The following GLRX2 variants were observed in gnomAD, a reference collection of about 807,000 sequenced individuals.
GLRX2 encodes bA101E13.1 (GRX2 glutaredoxin (thioltransferase) 2).
GLRX2 carries 12 observed loss-of-function variants against 16.4 expected under a neutral mutation model. That is an observed-to-expected ratio of 0.73 (90% CI 0.47 to 1.19). GLRX2 has a LOEUF of 1.19. GLRX2 is among the 50% of genes most tolerant of loss of function. The pLI is 0.00. For missense variants in GLRX2, 201 were observed against 201.8 expected (o/e 1.00, Z 0.02); for synonymous variants, 95 against 76.2 (o/e 1.25, Z -1.28).
rs548092191 is a variant in GLRX2, at chr1:193,096,830, G to A, written c.361-71C>T. 17 of 1,178,058 alleles carry A rather than the reference G, an allele frequency of 1.4e-5. No individual in the cohort carries two copies. The East Asian group carries it at 1.7e-4, about 12-fold the overall frequency. 73.0% of individuals were successfully genotyped at this position (1,178,058 alleles called of 1,614,324 possible). On this transcript the variant is annotated intron_variant, in intron 3 of 3. Coordinates refer to ENST00000367439, the MANE Select transcript of GLRX2 (RefSeq NM_197962.3). ...AACTAAGATCATTTCACATAATAAC[G>A]AGACATTTGAACTCTGGGTACTTTT...
chr1:193,101,882 G>A (rs1443915722), intron 1 of GLRX2, among the ~76,000 whole-genome samples: 3 of 151,852 alleles, frequency 2.0e-5, no homozygotes, highest in Admixed American at 6.6e-5. Flanking sequence ...GTAAAAGGAA[G>A]CATTCATTGT....
At chr1:193,100,011 T>C (rs1387189562) in intron 2 of GLRX2, among the ~76,000 whole-genome samples, 2 of 152,110 alleles carry the variant, frequency 1.3e-5, no homozygotes, top group African/African-American at 4.8e-5. Context: ...AACACCATCG[T>C]GTAGGGAGAG....
Position 193,105,401 on chromosome 1 carries a change from CA to C in GLRX2, c.-20del. 6.6e-7 allele frequency: 1 copy of C among 1,522,606 alleles called. No homozygotes were observed. Among genetic ancestry groups the C allele is most frequent in the South Asian group, 1.2e-5 (1 of 81,818 alleles). The allele number at this position is 1,522,606 out of a possible 1,614,324, so 94.3% of individuals were successfully genotyped here. ...AAATCATGGTCAGAGCCCGGATCTG[CA>C]GCGAGCTCTACTGCCGGACACCGCG... On this transcript the variant is annotated 5_prime_UTR_variant, in exon 1 of 4. Coordinates refer to ENST00000367439, the MANE Select transcript of GLRX2 (RefSeq NM_197962.3).
chr1:193,098,800 C>T (rs1675013177), intron 2 of GLRX2, among the ~76,000 whole-genome samples: 1 of 152,134 alleles, frequency 6.6e-6, no homozygotes, highest in Non-Finnish European at 1.5e-5. Flanking sequence ...ATCCACCCGC[C>T]TCAGCCTCCC....
intron 2 of GLRX2, 49 bp downstream of exon 2, chr1:193,101,092 T>C (rs773170329): frequency 8.5e-7 from 1 of 1,174,042 alleles, no homozygotes; most frequent in South Asian, 1.2e-5. Flanking sequence ...TAAGGGACAA[T>C]TCTTTTTCTA....
At position 193,096,609 on chromosome 1, in the gene GLRX2, C is replaced by T. The variant is rs773341502; in HGVS notation, c.*16G>A. On this transcript the variant is annotated 3_prime_UTR_variant, in exon 4 of 4. Coordinates refer to ENST00000367439, the MANE Select transcript of GLRX2 (RefSeq NM_197962.3). ...AAATAACTGACACTGTACTAGCAAA[C>T]TTATTAGTATAAACATCACTGAAAT... The T allele has an allele frequency of 3.4e-6, 5 of 1,489,430 alleles. No homozygotes were observed. Among genetic ancestry groups the T allele is most frequent in the Admixed American group, 3.6e-5 (2 of 55,842 alleles). 92.3% of individuals were successfully genotyped at this position (1,489,430 alleles called of 1,614,324 possible).
At chr1:193,100,200 C>T (rs1675045681) in intron 2 of GLRX2, among the ~76,000 whole-genome samples, 1 of 152,182 alleles carries the variant, frequency 6.6e-6, no homozygotes, top group South Asian at 2.1e-4. Flanking sequence ...TCAGGCCAGG[C>T]ACGGTGGCTC....
At chr1:193,100,927 A>G (rs1675061811) in intron 2 of GLRX2, among the ~76,000 whole-genome samples, 1 of 152,246 alleles carries the variant, frequency 6.6e-6, no homozygotes. Context: ...AGACTTCATT[A>G]AGAATAAATC....
intron 2 of GLRX2, among the ~76,000 whole-genome samples, chr1:193,100,098 C>T (rs750988931): frequency 6.6e-6 from 1 of 152,108 alleles, no homozygotes; most frequent in Non-Finnish European, 1.5e-5. Context: ...AAGATGACAG[C>T]GTTAGGGTTT....
chr1:193,106,108 T>C (rs1056894356), upstream of GLRX2: 3 of 861,000 alleles, frequency 3.5e-6, no homozygotes, highest in African/African-American at 5.5e-5. Context: ...GTGGTAATAA[T>C]AGCCTTTGTG....
intron 1 of GLRX2, among the ~76,000 whole-genome samples, chr1:193,102,052 C>G (rs1675088007): frequency 6.6e-6 from 1 of 152,010 alleles, no homozygotes; most frequent in Non-Finnish European, 1.5e-5. Flanking sequence ...AAACTAACTG[C>G]AGAGTAAAAT....
intron 1 of GLRX2, 69 bp from the exon 2 acceptor site, chr1:193,101,273 GA>G (rs942639056): frequency 3.5e-5 from 36 of 1,039,220 alleles, no homozygotes; most frequent in African/African-American, 2.3e-4. Context: ...AGTTTTATTT[GA>G]AAAAAATCAA....
chr1:193,105,939 T>C, upstream of GLRX2: 1 of 1,037,600 alleles, frequency 9.6e-7, no homozygotes, highest in South Asian at 4.5e-5. Flanking sequence ...AAAAATCCGG[T>C]GTTGAAGGTT....
Position 193,103,826 on chromosome 1 carries a change from C to T in GLRX2, c.119+1438G>A, listed in dbSNP as rs35982829. Among the ~76,000 whole-genome samples, 1,294 of 152,144 alleles carry T rather than the reference C, an allele frequency of 8.5e-3. 15 individuals are homozygous for T. Among genetic ancestry groups the T allele is most frequent in the Admixed American group, 0.012 (187 of 15,292 alleles). On this transcript the variant is annotated intron_variant, in intron 1 of 3. Transcript: ENST00000367439. ...AACACTTTAAAACAAAAAAAAAAGTCCTGTGCGCTTAACTCAGGAAGGAGT... is the reference window on the plus strand; with the variant it reads ...AACACTTTAAAACAAAAAAAAAAGTTCTGTGCGCTTAACTCAGGAAGGAGT...
Position 193,105,368 on chromosome 1 carries a change from G to C in GLRX2, c.15C>G (p.Arg5=). 6.5e-7 allele frequency: 1 copy of C among 1,546,012 alleles called. No homozygotes were observed. Among genetic ancestry groups the C allele is most frequent in the Non-Finnish European group, 8.6e-7 (1 of 1,156,636 alleles). The change falls in exon 1 of 4, where the codon CGC becomes CGG. Residue 5 remains arginine (R), a synonymous_variant. Transcript: ENST00000367439. MIWR[R]AALAGTRLVW... ...CCAGCCGCGTCCCCGCCAGCGCCGC[G>C]CGGCGCCAAATCATGGTCAGAGCCC...
rs139637818 is a variant in GLRX2, at chr1:193,101,033, T to C, written c.183+108A>G. ...AAATAAATATTAATCTCTTAATTCA[T>C]TTGCTAAACTATCTCAAGTTTGGAT... On this transcript the variant is annotated intron_variant, in intron 2 of 3. Coordinates refer to ENST00000367439, the MANE Select transcript of GLRX2 (RefSeq NM_197962.3). The C allele has an allele frequency of 1.3e-4, 97 of 755,290 alleles. No individual in the cohort carries two copies. The East Asian group carries it at 1.6e-3, about 13-fold the overall frequency. The allele number at this position is 755,290 out of a possible 1,614,324, so 46.8% of individuals were successfully genotyped here.
At chr1:193,105,238 G>A (rs1236972800) in intron 1 of GLRX2, 26 bp downstream of exon 1, 5 of 1,531,982 alleles carry the variant, frequency 3.3e-6, no homozygotes, top group African/African-American at 2.9e-5. Context: ...ACCACGCCGC[G>A]GCACTCCTGC....
chr1:193,099,851 C>T (rs1675037840), intron 2 of GLRX2, among the ~76,000 whole-genome samples: 1 of 152,116 alleles, frequency 6.6e-6, no homozygotes, highest in Non-Finnish European at 1.5e-5. Context: ...GGAGGGCCTG[C>T]CATACCAGAG....
intron 3 of GLRX2, among the ~76,000 whole-genome samples, chr1:193,097,112 C>T (rs1312951103): frequency 6.6e-6 from 1 of 152,196 alleles, no homozygotes; most frequent in Admixed American, 6.5e-5. Flanking sequence ...CATTTGTTTA[C>T]TGAAGGGAAA....
Sources: allele counts gnomAD v4.1 joint callset (sites outside exome capture counted in the v4.1 genomes callset), GRCh38; gene constraint gnomAD v4.1.1; transcripts MANE v1.5; gene names NCBI Gene and HGNC (gene_info 2026-07-23, HGNC 2026-07-21).